Variants in GALNT17 observed in about 807,000 individuals in gnomAD.
The protein encoded by GALNT17 is UDP-GalNAc:polypeptide N-acetylgalactosaminyltransferase-like 3.
In GALNT17, 29 loss-of-function variants were observed where a neutral mutation model predicts 63.7. The observed-to-expected ratio is 0.46, with a 90% confidence interval of 0.34 to 0.62. The LOEUF is 0.62. GALNT17 is among the 20% of genes least tolerant of loss of function. The pLI is 0.01. For synonymous variants in GALNT17, 305 were observed against 318.3 expected, an observed-to-expected ratio of 0.96 and a Z score of 0.45; for missense variants, 603 against 799.6, an observed-to-expected ratio of 0.75 and a Z score of 2.97.
intron 5 of GALNT17, among the ~76,000 whole-genome samples, chr7:71,501,263 C>T (rs1470046987): frequency 1.3e-5 from 2 of 151,830 alleles, no homozygotes; most frequent in African/African-American, 4.8e-5. Flanking sequence ...GCCACCGCGC[C>T]CAGCCTAGTT....
chr7:71,412,129 A>G (rs1286020425), intron 3 of GALNT17, among the ~76,000 whole-genome samples: 1 of 151,912 alleles, frequency 6.6e-6, no homozygotes, highest in Non-Finnish European at 1.5e-5. Flanking sequence ...TACATTCTCT[A>G]TCCAGCCCTG....
chr7:71,255,472 T>C (rs1790272490), intron 1 of GALNT17, among the ~76,000 whole-genome samples: 1 of 152,350 alleles, frequency 6.6e-6, no homozygotes, highest in East Asian at 1.9e-4. Context: ...GATATGTCTT[T>C]GTCAGCAGTG....
chr7:71,513,628 C>T (rs1033426522), intron 5 of GALNT17, among the ~76,000 whole-genome samples: 25 of 151,996 alleles, frequency 1.6e-4, no homozygotes, highest in Admixed American at 9.8e-4. Context: ...TCAAGTGATT[C>T]GCCCACTTCG....
At chr7:71,255,270 C>A (rs546805513) in intron 1 of GALNT17, among the ~76,000 whole-genome samples, 1 of 152,220 alleles carries the variant, frequency 6.6e-6, no homozygotes, top group East Asian at 1.9e-4. Context: ...GTGCTGTTCT[C>A]GTGATAGTGA....
chr7:71,527,299 A>G (rs1788640408), intron 5 of GALNT17, among the ~76,000 whole-genome samples: 1 of 152,226 alleles, frequency 6.6e-6, no homozygotes. Context: ...GGCAATACAA[A>G]TTCAGAGAAG....
chr7:71,194,266 G>A (rs1480694514), intron 1 of GALNT17, among the ~76,000 whole-genome samples: 2 of 152,156 alleles, frequency 1.3e-5, no homozygotes, highest in African/African-American at 4.8e-5. Flanking sequence ...ACTCACAGAG[G>A]TTTAGGAACT....
At chr7:71,201,625 AG>A (rs1789173044) in intron 1 of GALNT17, among the ~76,000 whole-genome samples, 1 of 121,934 alleles carries the variant, frequency 8.2e-6, no homozygotes, top group Admixed American at 7.6e-5. Context: ...TTACTTTGCC[AG>A]TTTTTTTTTT....
At chr7:71,695,595 T>C (rs945177075) in intron 9 of GALNT17, among the ~76,000 whole-genome samples, 2 of 152,218 alleles carry the variant, frequency 1.3e-5, no homozygotes, top group Admixed American at 1.3e-4. Flanking sequence ...TTGCCAGGTG[T>C]GTGCACCTGT....
chr7:71,702,668 G>C (rs193059078), intron 9 of GALNT17, among the ~76,000 whole-genome samples: 1 of 152,248 alleles, frequency 6.6e-6, no homozygotes, highest in East Asian at 1.9e-4. Context: ...TTGATAAAAA[G>C]CTGAGGGAGG....
intron 5 of GALNT17, among the ~76,000 whole-genome samples, chr7:71,557,081 T>G (rs1789177037): frequency 6.9e-6 from 1 of 144,716 alleles, no homozygotes; most frequent in African/African-American, 2.6e-5. Context: ...TGGGGAGAGA[T>G]AGGGTCTCTC....
intron 5 of GALNT17, among the ~76,000 whole-genome samples, chr7:71,541,733 C>G (rs1584036694): frequency 6.6e-6 from 1 of 152,136 alleles, no homozygotes; most frequent in Non-Finnish European, 1.5e-5. Context: ...GAGATTGGAA[C>G]TGAGGCTGGG....
chr7:71,255,985 T>G (rs1790282110), intron 1 of GALNT17, among the ~76,000 whole-genome samples: 1 of 152,178 alleles, frequency 6.6e-6, no homozygotes, highest in Non-Finnish European at 1.5e-5. Context: ...TCAGAATTAC[T>G]GACAGAGCAG....
At chr7:71,454,425 A>G (rs920931018) in intron 5 of GALNT17, among the ~76,000 whole-genome samples, 3 of 152,130 alleles carry the variant, frequency 2.0e-5, no homozygotes, top group Non-Finnish European at 4.4e-5. Context: ...ATTATATTCC[A>G]TGGTGTATAT....
At chr7:71,364,308 G>T (rs73360129) in intron 2 of GALNT17, among the ~76,000 whole-genome samples, 2,001 of 152,206 alleles carry the variant, frequency 0.013, 40 homozygotes, top group African/African-American at 0.046. Flanking sequence ...TGGCATGTAG[G>T]ATCTTGGTGC....
At chr7:71,497,724 A>G (rs2116692621) in intron 5 of GALNT17, among the ~76,000 whole-genome samples, 1 of 152,314 alleles carries the variant, frequency 6.6e-6, no homozygotes. Context: ...GCAGCCTGCC[A>G]AGGTTCATGA....
At chr7:71,324,894 A>G (rs1791678823) in intron 1 of GALNT17, among the ~76,000 whole-genome samples, 1 of 152,130 alleles carries the variant, frequency 6.6e-6, no homozygotes, top group African/African-American at 2.4e-5. Context: ...TTGTCATTTG[A>G]ACTAATTATC....
chr7:71,300,097 C>T (rs773918943), intron 1 of GALNT17, among the ~76,000 whole-genome samples: 1 of 152,156 alleles, frequency 6.6e-6, no homozygotes, highest in Non-Finnish European at 1.5e-5. Context: ...ATGTTTCAAC[C>T]TCATAATCCC....
chr7:71,134,190 A>T (rs1490322507), intron 1 of GALNT17, among the ~76,000 whole-genome samples: 1 of 152,164 alleles, frequency 6.6e-6, no homozygotes, highest in African/African-American at 2.4e-5. Flanking sequence ...TCGGAATAAT[A>T]ATAGAGTCTG....
intron 1 of GALNT17, among the ~76,000 whole-genome samples, chr7:71,294,222 G>A: frequency 6.6e-6 from 1 of 151,758 alleles, no homozygotes. Flanking sequence ...TCTCAGTATA[G>A]TCCACTTTAT....
Sources: gnomAD v4.1 joint callset for allele counts (sites outside exome capture counted in the v4.1 genomes callset) on GRCh38, gnomAD v4.1.1 for gene constraint, MANE v1.5 for transcripts, NCBI Gene and HGNC (gene_info 2026-07-23, HGNC 2026-07-21) for gene names.